TBCD: variants seen among roughly 807,000 people sequenced by gnomAD.
TBCD encodes tubulin folding cofactor D, also known as tubulin-specific chaperone D.
Under a neutral mutation model 169.3 loss-of-function variants are expected in TBCD, and 105 were observed. That is an observed-to-expected ratio of 0.62 (90% CI 0.53 to 0.73). The LOEUF (loss-of-function observed/expected upper bound fraction) is 0.73, where lower values mean the gene tolerates loss of function less well. TBCD is among the 30% of genes least tolerant of loss of function. The pLI is 0.00. For missense variants in TBCD, 1,444 were observed against 1,600.1 expected (o/e 0.90, Z 1.66); for synonymous variants, 700 against 643.9 (o/e 1.09, Z -1.32).
rs747172587 is a variant in TBCD at position 82,805,875 on chromosome 17, G to A, written c.951G>A (p.Arg317=). The change falls in exon 10 of 39, where the codon AGG becomes AGA. Residue 317 remains arginine, a splice_region_variant and synonymous_variant. Transcript: ENST00000355528. ...TFLKPKVAAW[R]YQRGCRSLAA... is the part of the protein sequence containing the mutation. ...TCTGAGGATGCTTTGCTTTGCACAGGTACCAGCGTGGCTGCCGATCTTTGG... is the reference window on the plus strand; with the variant it reads ...TCTGAGGATGCTTTGCTTTGCACAGATACCAGCGTGGCTGCCGATCTTTGG... 2 of 1,607,440 alleles carry A rather than the reference G, an allele frequency of 1.2e-6. No individual in the cohort carries two copies. The highest frequency in any genetic ancestry group is 1.3e-5 in the African/African-American group (1 of 74,944).
intron 35 of TBCD, 129 bp downstream of exon 35, chr17:82,937,489 G>A (rs947913033): frequency 2.1e-5 from 17 of 809,682 alleles, no homozygotes; most frequent in Non-Finnish European, 3.0e-5. Context: ...ACCTAAGATC[G>A]TGCATTCCAA....
In TBCD at chr17:82,926,387, T is replaced by C. The variant is rs775864631; in HGVS notation, c.2380-13T>C. The C allele has an allele frequency of 8.1e-6, 13 of 1,613,384 alleles. No homozygotes were observed. Among genetic ancestry groups the C allele is most frequent in the South Asian group, 1.1e-5 (1 of 91,062 alleles). On this transcript the variant is annotated splice_polypyrimidine_tract_variant and intron_variant, in intron 27 of 38. Coordinates refer to ENST00000355528, the MANE Select transcript of TBCD (RefSeq NM_005993.5). ...AGCTTATGGTTCTTCTGTGATTCTT[T>C]ATTGCTTTCCAGGTTCTCACAGGTT...
At chr17:82,844,935 C>T (rs549648224) in intron 13 of TBCD, among the ~76,000 whole-genome samples, 73 of 152,228 alleles carry the variant, frequency 4.8e-4, no homozygotes, top group Admixed American at 7.2e-4. Flanking sequence ...ACCCACAGGT[C>T]GGGAACATGG....
At chr17:82,813,693 G>A (rs1436788880) in intron 12 of TBCD, among the ~76,000 whole-genome samples, 1 of 152,238 alleles carries the variant, frequency 6.6e-6, no homozygotes, top group Non-Finnish European at 1.5e-5. Flanking sequence ...AAGGTGTGAA[G>A]CATCTTTCTC....
intron 7 of TBCD, chr17:82,795,392 C>T (rs2050029641): frequency 2.4e-5 from 6 of 246,840 alleles, no homozygotes; most frequent in Non-Finnish European, 3.9e-5. Flanking sequence ...GGTCATTTCC[C>T]GGATCTTTGT....
Position 82,856,726 on chromosome 17 carries a change from TCGC to T in TBCD, c.1319-13497_1319-13495del, listed in dbSNP as rs1567899346. The stretch of plus-strand genomic sequence containing the variant: ...TTTTGGGTGCGCATCCAGGGCGGGA[TCGC>T]TGGACCGCGTGCGGACCCTCGCTGC... On this transcript the variant is annotated intron_variant, in intron 13 of 38. Coordinates refer to ENST00000355528, the MANE Select transcript of TBCD (RefSeq NM_005993.5). Among the ~76,000 whole-genome samples the T allele has an allele frequency of 7.1e-3, 1,067 of 151,014 alleles. 28 individuals are homozygous for T. Among genetic ancestry groups the T allele is most frequent in the African/African-American group, 0.024 (990 of 41,076 alleles).
rs60671571 is a variant in TBCD at position 82,797,962 on chromosome 17, C to CTTTTTTTTTTTTTTTTTTTTTTTTTTTTT, written c.817+164_817+192dup. Among the ~76,000 whole-genome samples the CTTTTTTTTTTTTTTTTTTTTTTTTTTTTT allele has an allele frequency of 4.1e-5, 2 of 49,018 alleles. 1 individual carries two copies. Among genetic ancestry groups the CTTTTTTTTTTTTTTTTTTTTTTTTTTTTT allele is most frequent in the Non-Finnish European group, 7.3e-5 (2 of 27,258 alleles). The allele number at this position is 49,018 out of a possible 152,430, so 32.2% of individuals were successfully genotyped here. A position where few individuals can be genotyped will look rare whatever the true frequency, so the allele number is the denominator to read the frequency against. ...TTTGTTGTGGGTTTTAGTAACTGAA[C>CTTTTTTTTTTTTTTTTTTTTTTTTTTTTT]TTTTTTTTTTTTTTTTTTTTTTTTT... On this transcript the variant is annotated intron_variant, in intron 8 of 38. Transcript: ENST00000355528.
chr17:82,835,309 C>T lies in TBCD; in HGVS notation c.1318+20375C>T, dbSNP rs1033881837. 1.1e-4 allele frequency among the ~76,000 whole-genome samples: 16 copies of T among 152,202 alleles called. No individual in the cohort carries two copies. In the East Asian group the frequency reaches 1.2e-3, roughly 11 times the overall value. On this transcript the variant is annotated intron_variant, in intron 13 of 38. Coordinates refer to ENST00000355528, the MANE Select transcript of TBCD (RefSeq NM_005993.5). This position sits in a 1 kb window ranked among gnomAD's most constrained non-coding sequence, Gnocchi z 4.5. Reference sequence around the variant, plus strand: ...CTGCACCCGTGTCCTTCCTCCCACACGCCAGGGGCCAGGGGTGGTGGCTGG... The same window carrying T: ...CTGCACCCGTGTCCTTCCTCCCACATGCCAGGGGCCAGGGGTGGTGGCTGG...
chr17:82,791,808 G>A (rs564502317), intron 7 of TBCD, among the ~76,000 whole-genome samples: 6 of 152,262 alleles, frequency 3.9e-5, no homozygotes, highest in African/African-American at 1.4e-4. Context: ...CAGTGTCGTC[G>A]TGTGAACACC....
At chr17:82,933,066 G>A (rs1293436964) in intron 34 of TBCD, among the ~76,000 whole-genome samples, 1 of 152,076 alleles carries the variant, frequency 6.6e-6, no homozygotes, top group African/African-American at 2.4e-5. Context: ...AGGGCCTGAA[G>A]GGGCCTCGGC....
In TBCD at chr17:82,880,024, G is replaced by A. The variant is rs1020641243; in HGVS notation, c.1476-4121G>A. ...CTCTGCTTCCCTGCTTGAGTTGCCC[G>A]CATTCCTTTGCTCATGGGCTCTTCA... On this transcript the variant is annotated intron_variant, in intron 14 of 38. Transcript: ENST00000355528. The surrounding 1 kb of genome is among the most constrained non-coding windows in gnomAD (Gnocchi z 5.0). Among the ~76,000 whole-genome samples, 2 of 152,076 alleles carry A rather than the reference G, an allele frequency of 1.3e-5. No homozygotes were observed. The highest frequency in any genetic ancestry group is 6.6e-5 in the Admixed American group (1 of 15,260).
In TBCD at chr17:82,806,154, C is replaced by G; in HGVS notation, c.1087+143C>G. The G allele has an allele frequency of 8.7e-7, 1 of 1,152,562 alleles. No individual in the cohort carries two copies. The highest frequency in any genetic ancestry group is 1.2e-6 in the Non-Finnish European group (1 of 827,882). 71.4% of individuals were successfully genotyped at this position (1,152,562 alleles called of 1,614,324 possible). On this transcript the variant is annotated intron_variant, in intron 10 of 38. Coordinates refer to ENST00000355528, the MANE Select transcript of TBCD (RefSeq NM_005993.5). The surrounding 1 kb of genome is among the most constrained non-coding windows in gnomAD (Gnocchi z 5.1). Reference sequence around the variant, plus strand: ...CCCTTCGCTGAGTGCACGGTCACTGCCCGTCCTCTGGCTCCTGAACCCAGG... The same window carrying G: ...CCCTTCGCTGAGTGCACGGTCACTGGCCGTCCTCTGGCTCCTGAACCCAGG...
At chr17:82,883,775 T>C (rs2058536117) in intron 14 of TBCD, among the ~76,000 whole-genome samples, 1 of 152,208 alleles carries the variant, frequency 6.6e-6, no homozygotes, top group African/African-American at 2.4e-5. Flanking sequence ...TCCAGGGCAC[T>C]CCGTTTCTGT....
intron 13 of TBCD, among the ~76,000 whole-genome samples, chr17:82,852,736 C>T (rs2055900551): frequency 2.0e-5 from 3 of 152,314 alleles, no homozygotes; most frequent in South Asian, 4.1e-4. Flanking sequence ...CAGCCCACGA[C>T]GTACATGGAG....
intron 34 of TBCD, 188 bp from the exon 35 acceptor site, chr17:82,937,083 G>T: frequency 1.7e-6 from 1 of 590,526 alleles, no homozygotes. Flanking sequence ...AGCCGCTAGG[G>T]ACCAGGCCGG....
intron 16 of TBCD, among the ~76,000 whole-genome samples, chr17:82,891,364 C>T (rs1256338216): frequency 1.3e-5 from 2 of 152,262 alleles, no homozygotes; most frequent in Non-Finnish European, 2.9e-5. Flanking sequence ...AGTCCTGAGC[C>T]TGAGCAGTGT....
intron 6 of TBCD, among the ~76,000 whole-genome samples, chr17:82,780,248 G>A (rs1027009201): frequency 7.2e-5 from 11 of 152,172 alleles, no homozygotes; most frequent in African/African-American, 2.7e-4. Flanking sequence ...GTTGAGCTCC[G>A]TGGCTTCCGT....
Position 82,762,057 on chromosome 17 carries a change from T to C in TBCD, c.236-1908T>C, listed in dbSNP as rs563128253. ...AGTTGTTTCCGGTTTTTGGCTGTTA[T>C]TAATAATGCTACTTTTTGGGAGGCT... On this transcript the variant is annotated intron_variant, in intron 2 of 38. Coordinates refer to ENST00000355528, the MANE Select transcript of TBCD (RefSeq NM_005993.5). 5.1e-4 allele frequency among the ~76,000 whole-genome samples: 78 copies of C among 151,866 alleles called. No individual in the cohort carries two copies. The Middle Eastern group carries it at 0.01, about 20-fold the overall frequency.
chr17:82,819,131 C>A (rs746565477), intron 13 of TBCD, among the ~76,000 whole-genome samples: 1 of 152,172 alleles, frequency 6.6e-6, no homozygotes, highest in Non-Finnish European at 1.5e-5. Context: ...TATAGATGAG[C>A]ATGTTTGATG....
Sources: allele counts gnomAD v4.1 joint callset (sites outside exome capture counted in the v4.1 genomes callset), GRCh38; gene constraint gnomAD v4.1.1; non-coding constraint Gnocchi (gnomAD v3.1); transcripts MANE v1.5; gene names NCBI Gene and HGNC (gene_info 2026-07-23, HGNC 2026-07-21).